MAGED1: variants seen among roughly 807,000 people sequenced by gnomAD.
The protein encoded by MAGED1 is melanoma-associated antigen D1.
Under a neutral mutation model 54.1 loss-of-function variants are expected in MAGED1, and 3 were observed. The ratio of observed to expected loss-of-function variants is 0.06; its 90% CI spans 0.03 to 0.14. The LOEUF is 0.14. MAGED1 is among the 10% of genes least tolerant of loss of function. MAGED1 has a pLI of 1.00. For synonymous variants in MAGED1, 217 were observed against 227.3 expected (o/e 0.95, Z 0.41); for missense variants, 485 against 623.4 (o/e 0.78, Z 2.36).
chrX:51,877,547 G>A (rs1927916188), intron 1 of MAGED1, among the ~76,000 whole-genome samples: 1 of 110,788 alleles, frequency 9.0e-6, no homozygotes, highest in Non-Finnish European at 1.9e-5. Context: ...ATAATTGGAG[G>A]TATGCACAGA....
At chrX:51,820,843 A>G (rs955722072) in intron 1 of MAGED1, among the ~76,000 whole-genome samples, 10 of 111,678 alleles carry the variant, frequency 9.0e-5, no homozygotes, top group Non-Finnish European at 1.7e-4. Flanking sequence ...TCAATAGAAC[A>G]ACAGAACTTG....
At chrX:51,890,620 G>A (rs1226132127), upstream of MAGED1, among the ~76,000 whole-genome samples, 1 of 111,111 alleles carries the variant, frequency 9.0e-6, no homozygotes, top group African/African-American at 3.3e-5. Context: ...CTGGCCCCAA[G>A]GGTTTTCAGT....
At chrX:51,814,314 C>G (rs1382611371) in intron 1 of MAGED1, among the ~76,000 whole-genome samples, 1 of 111,788 alleles carries the variant, frequency 8.9e-6, no homozygotes, top group African/African-American at 3.3e-5. Context: ...GCCGCTGCCA[C>G]TGCCGCCACC....
Position 51,894,313 on chromosome X carries a change from G to A in MAGED1, c.9G>A (p.Gln3=). The A allele has an allele frequency of 8.3e-7, 1 of 1,203,524 alleles. No individual in the cohort carries two copies. The highest frequency in any genetic ancestry group is 1.8e-5 in the South Asian group (1 of 55,232). MA[Q]KMDCGAGLLG... is the part of the protein sequence containing the mutation. The stretch of plus-strand genomic sequence containing the variant: ...CCAGAGGGACAGGAGCCATGGCTCA[G>A]AAAATGGACTGTGGTGCGGGCCTCC... Residue 3 remains glutamine (Q), a synonymous_variant, in exon 2 of 13, where the codon CAG becomes CAA. Transcript: ENST00000326587.
intron 1 of MAGED1, among the ~76,000 whole-genome samples, chrX:51,848,369 A>C (rs924774358): frequency 2.7e-5 from 3 of 111,583 alleles, no homozygotes; most frequent in Non-Finnish European, 5.6e-5. Context: ...CTCAGGCTTG[A>C]TGATTTGCTA....
chrX:51,878,147 C>A (rs1927941295), intron 1 of MAGED1, among the ~76,000 whole-genome samples: 1 of 111,351 alleles, frequency 9.0e-6, no homozygotes, highest in Non-Finnish European at 1.9e-5. Flanking sequence ...GATGCAGTAT[C>A]AAACAAATAT....
chrX:51,852,700 A>G (rs936742346), intron 1 of MAGED1, among the ~76,000 whole-genome samples: 5 of 111,902 alleles, frequency 4.5e-5, no homozygotes, highest in Non-Finnish European at 9.4e-5. Context: ...ATTTGAAATT[A>G]TTGTGCAGCA....
At chrX:51,855,726 A>G (rs553289848) in intron 1 of MAGED1, among the ~76,000 whole-genome samples, 1 of 111,075 alleles carries the variant, frequency 9.0e-6, no homozygotes, top group African/African-American at 3.3e-5. Context: ...GGTTTTCACC[A>G]TGTTGGCCAG....
intron 1 of MAGED1, among the ~76,000 whole-genome samples, chrX:51,869,597 G>A (rs1261933280): frequency 3.6e-5 from 4 of 110,508 alleles, no homozygotes; most frequent in Admixed American, 9.6e-5. Flanking sequence ...CGCCGGGTGC[G>A]GTGGCTTATG....
chrX:51,897,934 T>G, intron 7 of MAGED1, 48 bp downstream of exon 7: 2 of 1,041,818 alleles, frequency 1.9e-6, no homozygotes, highest in Non-Finnish European at 2.7e-6. Flanking sequence ...GTGGTGCTTT[T>G]TTTCTAGGAG....
At chrX:51,840,849 G>C (rs1312257979) in intron 1 of MAGED1, among the ~76,000 whole-genome samples, 4 of 110,164 alleles carry the variant, frequency 3.6e-5, no homozygotes, top group African/African-American at 1.3e-4. Flanking sequence ...GGACATTTGG[G>C]TTGGTTCCAA....
At chrX:51,861,793 C>T (rs1197867293) in intron 1 of MAGED1, among the ~76,000 whole-genome samples, 4 of 111,287 alleles carry the variant, frequency 3.6e-5, no homozygotes, top group African/African-American at 1.3e-4. Context: ...AAGCAATTTT[C>T]CTGCCTCAGC....
At chrX:51,858,273 A>G (rs1229066523) in intron 1 of MAGED1, among the ~76,000 whole-genome samples, 2 of 111,683 alleles carry the variant, frequency 1.8e-5, no homozygotes, top group Non-Finnish European at 3.8e-5. Context: ...TTTGAGTCCT[A>G]GAGAGTTTAA....
At chrX:51,898,545 A>G (rs781881247) in intron 9 of MAGED1, 36 bp from the exon 10 acceptor site, 7 of 1,157,392 alleles carry the variant, frequency 6.0e-6, no homozygotes, top group Non-Finnish European at 4.7e-6. Flanking sequence ...GCATGGTAAT[A>G]GCCTCTGATT....
upstream of MAGED1, among the ~76,000 whole-genome samples, chrX:51,893,248 G>T (rs372796712): frequency 9.0e-6 from 1 of 110,701 alleles, no homozygotes; most frequent in African/African-American, 3.3e-5. Flanking sequence ...TGCTGGACAA[G>T]GGGGTGGAGA....
At chrX:51,892,704 G>A (rs372003883), upstream of MAGED1, among the ~76,000 whole-genome samples, 1 of 111,444 alleles carries the variant, frequency 9.0e-6, no homozygotes, top group African/African-American at 3.3e-5. Context: ...ATGGGGTGCC[G>A]TGGTCTGTTG....
chrX:51,843,192 G>A lies in MAGED1; in HGVS notation c.-37+40075G>A, dbSNP rs533556106. Among the ~76,000 whole-genome samples the A allele has an allele frequency of 5.6e-4, 62 of 111,666 alleles. 1 individual carries two copies. The South Asian group carries it at 0.021, about 39-fold the overall frequency. On this transcript the variant is annotated intron_variant, in intron 1 of 12. Transcript: ENST00000375772. ...TGACTTCTCATTCTGCCCCTTTCCA[G>A]GTTCCCAGATTGTTTTTGTGGTAAG...
At chrX:51,863,069 T>A (rs781793130) in intron 1 of MAGED1, among the ~76,000 whole-genome samples, 8 of 111,810 alleles carry the variant, frequency 7.2e-5, no homozygotes, top group Non-Finnish European at 1.5e-4. Context: ...TCTCCAGAAC[T>A]TACTCATCTT....
chrX:51,824,377 G>T (rs1203218585), intron 1 of MAGED1, among the ~76,000 whole-genome samples: 1 of 110,810 alleles, frequency 9.0e-6, no homozygotes, highest in Non-Finnish European at 1.9e-5. Context: ...CTTCTGAGGA[G>T]AAGTCAACTG....
Sources: allele counts gnomAD v4.1 joint callset (sites outside exome capture counted in the v4.1 genomes callset), GRCh38; gene constraint gnomAD v4.1.1; transcripts MANE v1.5; gene names NCBI Gene and HGNC (gene_info 2026-07-23, HGNC 2026-07-21).